Variants in ABCC12 observed in about 807,000 individuals in gnomAD.
The protein encoded by ABCC12 is ATP-binding cassette sub-family C member 12.
Under a neutral mutation model 151.1 loss-of-function variants are expected in ABCC12, and 142 were observed. The ratio of observed to expected loss-of-function variants is 0.94; its 90% confidence interval spans 0.82 to 1.08. The LOEUF is 1.08. ABCC12 is among the 50% of genes least tolerant of loss of function. The pLI, the probability that ABCC12 is intolerant of heterozygous loss-of-function variation, is 0.00. For missense variants in ABCC12, 1,638 were observed against 1,691.1 expected (o/e 0.97, Z 0.55); for synonymous variants, 645 against 646.4 (o/e 1.00, Z 0.03).
chr16:48,152,557 A>G (rs1965131021), intron 2 of ABCC12, among the ~76,000 whole-genome samples: 1 of 152,198 alleles, frequency 6.6e-6, no homozygotes, highest in Non-Finnish European at 1.5e-5. Flanking sequence ...ATGAAGAAGA[A>G]AGAGCTCACG....
intron 24 of ABCC12, among the ~76,000 whole-genome samples, chr16:48,093,270 C>G (rs1461843360): frequency 2.0e-5 from 3 of 152,136 alleles, no homozygotes; most frequent in Admixed American, 6.6e-5. Context: ...TTACAAAGCT[C>G]TATGTATTCT....
chr16:48,142,864 A>G (rs60460102), intron 4 of ABCC12, among the ~76,000 whole-genome samples: 2,676 of 152,276 alleles, frequency 0.018, 76 homozygotes, highest in African/African-American at 0.062. Flanking sequence ...AAGAAGAGGT[A>G]CTGATCTGAA....
chr16:48,113,242 C>T (rs1214941943), intron 15 of ABCC12, among the ~76,000 whole-genome samples: 1 of 152,190 alleles, frequency 6.6e-6, no homozygotes, highest in East Asian at 1.9e-4. Context: ...GATAACAGTT[C>T]TAACAGCTTG....
chr16:48,146,207 T>C, intron 3 of ABCC12, 99 bp downstream of exon 3: 1 of 1,041,286 alleles, frequency 9.6e-7, no homozygotes, highest in Non-Finnish European at 1.5e-6. Flanking sequence ...GACGAGCAGA[T>C]AGAGCAGCAG....
In ABCC12 at chr16:48,086,768, A is replaced by ATGAG. The variant is rs757667945; in HGVS notation, c.3686_3687insCTCA (p.Leu1230SerfsTer46). On this transcript the variant is annotated frameshift_variant, in exon 28 of 31. Transcript: ENST00000311303. LOFTEE classifies it high-confidence loss of function. ...TGTCTCTCATGAATGTTCTCTCCAGAACCTGCCAGAGCATCTCATCGGTGT... is the reference window on the plus strand; with the variant it reads ...TGTCTCTCATGAATGTTCTCTCCAGATGAGACCTGCCAGAGCATCTCATCGGTGT... The ATGAG allele has an allele frequency of 6.2e-7, 1 of 1,613,894 alleles. No individual in the cohort carries two copies. The highest frequency in any genetic ancestry group is 8.5e-7 in the Non-Finnish European group (1 of 1,179,930).
chr16:48,106,919 G>A (rs188683071), intron 20 of ABCC12, among the ~76,000 whole-genome samples: 32 of 152,310 alleles, frequency 2.1e-4, no homozygotes, highest in Non-Finnish European at 3.8e-4. Flanking sequence ...GCAGAGACAC[G>A]TGGGACCTTC....
At chr16:48,149,284 A>G (rs1965086108) in intron 2 of ABCC12, among the ~76,000 whole-genome samples, 2 of 151,600 alleles carry the variant, frequency 1.3e-5, no homozygotes, top group Non-Finnish European at 2.9e-5. Context: ...GAGGGACAGA[A>G]GAATAAAACA....
Position 48,104,132 on chromosome 16 carries a change from A to G in ABCC12, c.2900+10T>C. 1 of 1,612,854 alleles carries G rather than the reference A, an allele frequency of 6.2e-7. No homozygotes were observed. The highest frequency in any genetic ancestry group is 8.5e-7 in the Non-Finnish European group (1 of 1,179,496). On this transcript the variant is annotated intron_variant, in intron 22 of 30. Coordinates refer to ENST00000311303, the MANE Select transcript of ABCC12 (RefSeq NM_001393797.1). ...TATCGTTTTCTCGTGTAAATAGCAC[A>G]TGGGCCTACCGTAACAGAATGAAGA...
chr16:48,104,401 G>T (rs762142138), intron 21 of ABCC12, 33 bp from the exon 22 acceptor site: 2 of 1,592,670 alleles, frequency 1.3e-6, no homozygotes, highest in East Asian at 2.2e-5. Context: ...AAACAGAGTC[G>T]AGATGCGTGC....
At chr16:48,108,559 C>T in intron 18 of ABCC12, 30 bp from the exon 19 acceptor site, 1 of 1,604,032 alleles carries the variant, frequency 6.2e-7, no homozygotes, top group African/African-American at 1.3e-5. Flanking sequence ...TGCCATGGCT[C>T]TCACCACTGG....
At position 48,086,747 on chromosome 16, in the gene ABCC12, T is replaced by C; in HGVS notation, c.3708A>G (p.Arg1236=). The C allele has an allele frequency of 6.2e-7, 1 of 1,613,170 alleles. No individual in the cohort carries two copies. Among genetic ancestry groups the C allele is most frequent in the Non-Finnish European group, 8.5e-7 (1 of 1,179,212 alleles). ...LWQVLERTFM[R]DTIMKLPEKL... ...AACAGCCCCAGAGACCTACTGTGTCTCTCATGAATGTTCTCTCCAGAACCT... is the reference window on the plus strand; with the variant it reads ...AACAGCCCCAGAGACCTACTGTGTCCCTCATGAATGTTCTCTCCAGAACCT... The change falls in exon 28 of 31, where the codon AGA becomes AGG. Residue 1236 remains arginine (R), a synonymous_variant. Coordinates refer to ENST00000311303, the MANE Select transcript of ABCC12 (RefSeq NM_001393797.1).
rs913627433 is a variant in ABCC12, at chr16:48,081,317, A to C, written c.*2398T>G. Among the ~76,000 whole-genome samples the C allele has an allele frequency of 1.3e-5, 2 of 152,158 alleles. No individual in the cohort carries two copies. The highest frequency in any genetic ancestry group is 2.9e-5 in the Non-Finnish European group (2 of 68,016). The stretch of plus-strand genomic sequence containing the variant: ...CCTTGGCTGACATGGCAGTGATAGC[A>C]AGGGGTTGGGGTGGGAGAGGGGTTT... On this transcript the variant is annotated 3_prime_UTR_variant, in exon 31 of 31. Transcript: ENST00000311303.
chr16:48,108,650 T>G (rs1286068229), intron 18 of ABCC12, 121 bp from the exon 19 acceptor site: 5 of 698,568 alleles, frequency 7.2e-6, no homozygotes, highest in Non-Finnish European at 1.2e-5. Flanking sequence ...ATCCTTCCAC[T>G]CGTCCCATGC....
At position 48,128,518 on chromosome 16, in the gene ABCC12, C is replaced by T; in HGVS notation, c.1456G>A (p.Glu486Lys). 1 of 1,614,242 alleles carries T rather than the reference C, an allele frequency of 6.2e-7. No homozygotes were observed. Reference protein sequence around the residue: ...SPPAKGATGPEEQSDSLKSVL... With the variant: ...SPPAKGATGPKEQSDSLKSVL... ...GATTTGAGGCTGTCACTTTGCTCCTCTGGGCCAGTGGCTCCCTTGGCTGGT... is the reference window on the plus strand; with the variant it reads ...GATTTGAGGCTGTCACTTTGCTCCTTTGGGCCAGTGGCTCCCTTGGCTGGT... Residue 486 changes from glutamate to lysine, a missense_variant, in exon 11 of 31, where the codon GAG becomes AAG. By Grantham distance (56) the Glu-to-Lys change is moderately conservative (BLOSUM62 1). Transcript: ENST00000311303.
rs186175142 is a variant in ABCC12, at chr16:48,115,803, T to C, written c.1786-185A>G. Reference sequence around the variant, plus strand: ...GAGACTCTGTGGTGAGTGGAAGTGCTCCACTTGTCTACCTCTCCAGGAAGC... The same window carrying C: ...GAGACTCTGTGGTGAGTGGAAGTGCCCCACTTGTCTACCTCTCCAGGAAGC... On this transcript the variant is annotated intron_variant, in intron 14 of 30. Coordinates refer to ENST00000311303, the MANE Select transcript of ABCC12 (RefSeq NM_001393797.1). 1.8e-3 allele frequency among the ~76,000 whole-genome samples: 272 copies of C among 152,294 alleles called. 2 individuals carry two copies. Among genetic ancestry groups the C allele is most frequent in the African/African-American group, 6.4e-3 (267 of 41,556 alleles).
At chr16:48,092,953 G>A (rs1010896272) in intron 24 of ABCC12, among the ~76,000 whole-genome samples, 2 of 152,226 alleles carry the variant, frequency 1.3e-5, no homozygotes, top group African/African-American at 2.4e-5. Flanking sequence ...TATGGGTGCA[G>A]ACCCTCTGAG....
At chr16:48,096,643 C>A in intron 24 of ABCC12, 103 bp downstream of exon 24, 1 of 1,210,240 alleles carries the variant, frequency 8.3e-7, no homozygotes, top group Non-Finnish European at 1.2e-6. Context: ...TCATTTAAAC[C>A]CATTCGAGTT....
chr16:48,093,394 G>C (rs1327814386), intron 24 of ABCC12, among the ~76,000 whole-genome samples: 4 of 152,130 alleles, frequency 2.6e-5, no homozygotes, highest in African/African-American at 9.7e-5. Context: ...CTTTCTTCCA[G>C]TCTTCCTTGG....
At chr16:48,128,957 G>A (rs1021875480) in intron 10 of ABCC12, among the ~76,000 whole-genome samples, 2 of 152,214 alleles carry the variant, frequency 1.3e-5, no homozygotes, top group Non-Finnish European at 2.9e-5. Flanking sequence ...CAAGGCCTAT[G>A]TGGGTCACCC....
Sources: allele counts gnomAD v4.1 joint callset (sites outside exome capture counted in the v4.1 genomes callset), GRCh38; gene constraint gnomAD v4.1.1; transcripts MANE v1.5; gene names NCBI Gene and HGNC (gene_info 2026-07-23, HGNC 2026-07-21).